The following CDH23 variants were observed in gnomAD, a reference collection of about 807,000 sequenced individuals.
CDH23 encodes the protein cadherin-23.
In CDH23, 189 loss-of-function variants were observed where a neutral mutation model predicts 317.1. The ratio of observed to expected loss-of-function variants is 0.60; its 90% confidence interval spans 0.53 to 0.67. The LOEUF is 0.67. Ranked by LOEUF, CDH23 falls within the 30% of genes least tolerant of loss-of-function variation. The pLI, the probability that CDH23 is intolerant of heterozygous loss-of-function variation, is 0.00. For missense variants in CDH23, 4,401 were observed against 4,592.4 expected (o/e 0.96, Z 1.20); for synonymous variants, 1,839 against 1,876.8 (o/e 0.98, Z 0.52).
At chr10:71,668,459 T>TC (rs1328962071) in intron 14 of CDH23, among the ~76,000 whole-genome samples, 2 of 151,758 alleles carry the variant, frequency 1.3e-5, no homozygotes, top group Non-Finnish European at 2.9e-5. Context: ...GGAGGGGAGG[T>TC]CTTAAGAGCA....
At chr10:71,588,396 T>C (rs1859230750) in intron 9 of CDH23, among the ~76,000 whole-genome samples, 1 of 152,100 alleles carries the variant, frequency 6.6e-6, no homozygotes, top group African/African-American at 2.4e-5. Flanking sequence ...AGTTTCTTCA[T>C]CTGTGAAATG....
At chr10:71,650,018 C>G (rs1375087562) in intron 14 of CDH23, among the ~76,000 whole-genome samples, 1 of 152,184 alleles carries the variant, frequency 6.6e-6, no homozygotes, top group Non-Finnish European at 1.5e-5. Flanking sequence ...CTATGTGGGA[C>G]CACTGAGCCT....
intron 62 of CDH23, 39 bp downstream of exon 62, chr10:71,810,608 T>TCTGC (rs1564807162): frequency 1.3e-6 from 2 of 1,585,502 alleles, no homozygotes; most frequent in Non-Finnish European, 8.7e-7. Flanking sequence ...AGCCTGTCTG[T>TCTGC]CTGCCTGCCT....
intron 3 of CDH23, among the ~76,000 whole-genome samples, chr10:71,477,163 C>CTTTGTT (rs1447266317): frequency 2.0e-5 from 3 of 152,108 alleles, no homozygotes; most frequent in Non-Finnish European, 4.4e-5. Context: ...GAATGCCTCC[C>CTTTGTT]TTTGTTTTTG....
At chr10:71,455,507 C>G (rs140374446) in intron 3 of CDH23, among the ~76,000 whole-genome samples, 1 of 152,138 alleles carries the variant, frequency 6.6e-6, no homozygotes, top group Non-Finnish European at 1.5e-5. Context: ...TATATTCATT[C>G]GTTCAACAAA....
chr10:71,697,571 G>T (rs992530685), intron 22 of CDH23, among the ~76,000 whole-genome samples: 11 of 152,044 alleles, frequency 7.2e-5, no homozygotes, highest in African/African-American at 2.4e-4. Context: ...TACTCAGGAG[G>T]CTAAGGCAAG....
intron 9 of CDH23, among the ~76,000 whole-genome samples, chr10:71,578,386 G>C (rs1858375300): frequency 6.6e-6 from 1 of 152,198 alleles, no homozygotes; most frequent in African/African-American, 2.4e-5. Flanking sequence ...TGATGAAAAG[G>C]TGGCAGTTCT....
At chr10:71,577,414 T>C (rs1384271494) in intron 8 of CDH23, among the ~76,000 whole-genome samples, 1 of 152,042 alleles carries the variant, frequency 6.6e-6, no homozygotes, top group African/African-American at 2.4e-5. Flanking sequence ...CCTGCTTTCA[T>C]GATTTATGCT....
chr10:71,718,686 A>G (rs1224207945), intron 28 of CDH23, among the ~76,000 whole-genome samples: 1 of 152,186 alleles, frequency 6.6e-6, no homozygotes, highest in African/African-American at 2.4e-5. Context: ...TTCTAATGTT[A>G]TTTCAAGGCC....
chr10:71,778,257 T>A lies in CDH23; in HGVS notation c.5136T>A (p.Thr1712=). The part of the protein sequence containing the change: ...ISHGRYTLIV[T]ATDQCPILSH... ...ACGGCCGCTACACCCTGATCGTCACTGCCACAGACCAGTGCCCCATCTTAT... is the reference window on the plus strand; with the variant it reads ...ACGGCCGCTACACCCTGATCGTCACAGCCACAGACCAGTGCCCCATCTTAT... The change falls in exon 40 of 70, where the codon ACT becomes ACA. Residue 1712 remains threonine, a synonymous_variant. Transcript: ENST00000224721. 1 of 1,613,914 alleles carries A rather than the reference T, an allele frequency of 6.2e-7. No individual in the cohort carries two copies. Among genetic ancestry groups the A allele is most frequent in the Non-Finnish European group, 8.5e-7 (1 of 1,179,864 alleles).
intron 27 of CDH23, among the ~76,000 whole-genome samples, chr10:71,709,940 CAA>C (rs1865914491): frequency 6.6e-6 from 1 of 152,040 alleles, no homozygotes; most frequent in Non-Finnish European, 1.5e-5. Flanking sequence ...TGGTAGCACG[CAA>C]AGAGAGAATG....
At chr10:71,715,786 G>T in intron 28 of CDH23, 1 of 671,822 alleles carries the variant, frequency 1.5e-6, no homozygotes, top group Non-Finnish European at 2.3e-6. Flanking sequence ...AAGGGCGCTG[G>T]CCTGGGCATG....
At chr10:71,747,180 G>T (rs995257034) in intron 38 of CDH23, among the ~76,000 whole-genome samples, 1 of 152,134 alleles carries the variant, frequency 6.6e-6, no homozygotes, top group African/African-American at 2.4e-5. Context: ...GAGACCCTGG[G>T]GCTCAGCTGC....
At chr10:71,804,955 G>T (rs765371376) in intron 55 of CDH23, among the ~76,000 whole-genome samples, 3 of 152,072 alleles carry the variant, frequency 2.0e-5, no homozygotes, top group Non-Finnish European at 4.4e-5. Context: ...TTTGCATTTG[G>T]AAAGATTTAT....
chr10:71,407,949 G>A (rs970970478), intron 1 of CDH23, among the ~76,000 whole-genome samples: 1 of 152,142 alleles, frequency 6.6e-6, no homozygotes, highest in African/African-American at 2.4e-5. Context: ...TCTCTCATGA[G>A]AGACATAAAA....
chr10:71,444,751 C>T (rs575652500), intron 2 of CDH23, among the ~76,000 whole-genome samples: 2 of 152,322 alleles, frequency 1.3e-5, no homozygotes, highest in South Asian at 4.1e-4. Flanking sequence ...CCTTCTCACC[C>T]TCTGGGAGCC....
chr10:71,408,400 T>C (rs548343112), intron 1 of CDH23, among the ~76,000 whole-genome samples: 8 of 151,986 alleles, frequency 5.3e-5, no homozygotes, highest in East Asian at 1.9e-4. Context: ...AGAGAGAGAA[T>C]TGCATCTCCT....
chr10:71,650,422 G>A (rs1863111729), intron 14 of CDH23, among the ~76,000 whole-genome samples: 1 of 152,184 alleles, frequency 6.6e-6, no homozygotes, highest in African/African-American at 2.4e-5. Context: ...GTGTATATGT[G>A]CGCAGGCATG....
In CDH23 at chr10:71,759,854, C is replaced by CACACACACATATATAT. The variant is rs1482468493; in HGVS notation, c.4846-17817_4846-17816insTATATATACACACACA. 3.5e-3 allele frequency among the ~76,000 whole-genome samples: 385 copies of CACACACACATATATAT among 109,300 alleles called. 170 individuals are homozygous for CACACACACATATATAT. The highest frequency in any genetic ancestry group is 9.3e-3 in the Middle Eastern group (2 of 214). 71.7% of individuals were successfully genotyped at this position (109,300 alleles called of 152,430 possible). The stretch of plus-strand genomic sequence containing the variant: ...ACACACACACACACACACATATACA[C>CACACACACATATATAT]ACACACACACATATATATACACACA... On this transcript the variant is annotated intron_variant, in intron 38 of 69. Transcript: ENST00000224721.
Sources: gnomAD v4.1 joint callset for allele counts (sites outside exome capture counted in the v4.1 genomes callset) on GRCh38, gnomAD v4.1.1 for gene constraint, MANE v1.5 for transcripts, NCBI Gene and HGNC (gene_info 2026-07-23, HGNC 2026-07-21) for gene names.